Variants in RMND5B observed in about 807,000 individuals in gnomAD.
RMND5B encodes required for meiotic nuclear division 5 homolog B, also known as E3 ubiquitin-protein transferase RMND5B.
A neutral mutation model predicts 50.4 loss-of-function variants in RMND5B; 42 were observed. The ratio of observed to expected loss-of-function variants is 0.83; its 90% confidence interval spans 0.65 to 1.08. RMND5B has a LOEUF of 1.08. Ranked by LOEUF, RMND5B falls within the 50% of genes least tolerant of loss-of-function variation. The pLI is 0.00. For synonymous variants in RMND5B, 220 were observed against 210.0 expected, an observed-to-expected ratio of 1.05 and a Z score of -0.41; for missense variants, 463 against 508.5, an observed-to-expected ratio of 0.91 and a Z score of 0.86.
rs2113425385 is a variant in RMND5B, at chr5:178,143,660, C to G, written c.460C>G (p.Gln154Glu). 6.2e-7 allele frequency: 1 copy of G among 1,614,116 alleles called. No individual in the cohort carries two copies. The highest frequency in any genetic ancestry group is 2.2e-5 in the East Asian group (1 of 44,880). ...GCTGAATGTGGACTTGGATTTCAAG[C>G]AGCCTTTCCTAGAGTTGAATCGAAT... ...STLNVDLDFK[Q>E]PFLELNRILE... The change falls in exon 6 of 11, where the codon CAG becomes GAG. Residue 154 changes from glutamine to glutamate, a missense_variant. Gln to Glu is a conservative substitution (Grantham distance 29). Coordinates refer to ENST00000313386, the MANE Select transcript of RMND5B (RefSeq NM_022762.5).
intron 2 of RMND5B, among the ~76,000 whole-genome samples, chr5:178,132,957 TG>T (rs1443939025): frequency 6.6e-6 from 1 of 151,678 alleles, no homozygotes. Flanking sequence ...CTCTGCCTCC[TG>T]GGTTCAAGCA....
rs1432452090 is a variant in RMND5B at position 178,149,659 on chromosome 5, T to C, written c.*1627T>C. 6.2e-7 allele frequency: 1 copy of C among 1,610,094 alleles called. No homozygotes were observed. Among genetic ancestry groups the C allele is most frequent in the Non-Finnish European group, 8.5e-7 (1 of 1,178,884 alleles). ...TGGGCAGGAGGACAGCCAGTCGTCC[T>C]GCTGCCAGCCCAATAGCTTCCAGCG... On this transcript the variant is annotated 3_prime_UTR_variant, in exon 11 of 11. Coordinates refer to ENST00000313386, the MANE Select transcript of RMND5B (RefSeq NM_022762.5).
Position 178,147,983 on chromosome 5 carries a change from A to G in RMND5B, c.1133A>G (p.Tyr378Cys), listed in dbSNP as rs1756128208. ...LINGGKLKCP[Y>C]CPMEQNPADG... ...TCCCTTTGCAGGCTGAAGTGTCCCT[A>G]CTGTCCCATGGAGCAGAACCCGGCA... Residue 378 changes from tyrosine (Y) to cysteine (C), a missense_variant, in exon 11 of 11, where the codon TAC (tyrosine) becomes TGC (cysteine). Physicochemically the swap from Tyr to Cys is radical, Grantham distance 194. Coordinates refer to ENST00000313386, the MANE Select transcript of RMND5B (RefSeq NM_022762.5). 1 of 1,613,886 alleles carries G rather than the reference A, an allele frequency of 6.2e-7. No individual in the cohort carries two copies. The highest frequency in any genetic ancestry group is 1.3e-5 in the African/African-American group (1 of 74,924).
rs80350399 is a variant in RMND5B, at chr5:178,149,318, G to C, written c.*1286G>C. On this transcript the variant is annotated 3_prime_UTR_variant, in exon 11 of 11. Coordinates refer to ENST00000313386, the MANE Select transcript of RMND5B (RefSeq NM_022762.5). Reference sequence around the variant, plus strand: ...GTTCTCAGCTTGAGCCAAAGCACCCGGCCCTGGGCAGCTGAGCATCAGCAC... The same window carrying C: ...GTTCTCAGCTTGAGCCAAAGCACCCCGCCCTGGGCAGCTGAGCATCAGCAC... The C allele has an allele frequency of 2.1e-5, 4 of 191,254 alleles. No individual in the cohort carries two copies. Among genetic ancestry groups the C allele is most frequent in the Middle Eastern group, 2.3e-3 (1 of 440 alleles). 11.8% of individuals were successfully genotyped at this position (191,254 alleles called of 1,614,324 possible).
In RMND5B at chr5:178,138,177, A is replaced by G; in HGVS notation, c.58A>G (p.Thr20Ala). ...ELDKVLQKFL[T>A]YGQHCERSLE... ...GGACAAGGTCCTGCAGAAGTTCCTG[A>G]CCTACGGGCAGCACTGTGAGCGGAG... Residue 20 changes from threonine (T) to alanine (A), a missense_variant, in exon 3 of 11, where the codon ACC becomes GCC. By Grantham distance (58) the Thr-to-Ala change is moderately conservative (BLOSUM62 0). Coordinates refer to ENST00000313386, the MANE Select transcript of RMND5B (RefSeq NM_022762.5). The surrounding 1 kb of genome is among the most constrained non-coding windows in gnomAD (Gnocchi z 5.1). 6.2e-7 allele frequency: 1 copy of G among 1,613,608 alleles called. No individual in the cohort carries two copies. The highest frequency in any genetic ancestry group is 1.1e-5 in the South Asian group (1 of 90,992).
intron 2 of RMND5B, among the ~76,000 whole-genome samples, chr5:178,134,965 G>A (rs531708862): frequency 8.0e-6 from 1 of 125,070 alleles, no homozygotes; most frequent in Non-Finnish European, 1.7e-5. Flanking sequence ...GCAACAGAGC[G>A]AGACCGTCTA....
chr5:178,149,634 T>C lies in RMND5B; in HGVS notation c.*1602T>C, dbSNP rs1756208377. ...ACTGGGAAGATGCCGTCAGTGTGGG[T>C]GGGCAGGAGGACAGCCAGTCGTCCT... On this transcript the variant is annotated 3_prime_UTR_variant, in exon 11 of 11. Coordinates refer to ENST00000313386, the MANE Select transcript of RMND5B (RefSeq NM_022762.5). The C allele has an allele frequency of 1.3e-6, 2 of 1,589,772 alleles. No individual in the cohort carries two copies. Among genetic ancestry groups the C allele is most frequent in the South Asian group, 1.1e-5 (1 of 89,520 alleles).
At chr5:178,145,979 C>A in intron 7 of RMND5B, 135 bp from the exon 8 acceptor site, 1 of 839,778 alleles carries the variant, frequency 1.2e-6, no homozygotes, top group Non-Finnish European at 1.8e-6. Context: ...CATTTTCATC[C>A]CTGCTCAGTC....
At chr5:178,143,122 G>C in intron 5 of RMND5B, 130 bp downstream of exon 5, 1 of 1,107,374 alleles carries the variant, frequency 9.0e-7, no homozygotes, top group South Asian at 1.6e-5. Context: ...TCTGCCAGAA[G>C]CAGAAGGTAG....
chr5:178,143,642 G>A lies in RMND5B; in HGVS notation c.442G>A (p.Val148Met), dbSNP rs200266214. The A allele has an allele frequency of 6.2e-7, 1 of 1,613,802 alleles. No individual in the cohort carries two copies. Among genetic ancestry groups the A allele is most frequent in the Non-Finnish European group, 8.5e-7 (1 of 1,179,670 alleles). The change falls in exon 6 of 11, where the codon GTG becomes ATG. Residue 148 changes from valine (V) to methionine (M), a missense_variant. Coordinates refer to ENST00000313386, the MANE Select transcript of RMND5B (RefSeq NM_022762.5). ...EELCQESTLN[V>M]DLDFKQPFLE... The stretch of plus-strand genomic sequence containing the variant: ...CTCCTTGTAGGAATCAACGCTGAAT[G>A]TGGACTTGGATTTCAAGCAGCCTTT...
At chr5:178,131,928 G>T (rs10036388) in intron 2 of RMND5B, among the ~76,000 whole-genome samples, 64,428 of 151,962 alleles carry the variant, frequency 0.42, 14,928 homozygotes, top group Non-Finnish European at 0.53. Context: ...AGAGGAATGT[G>T]GAGTTTTTTC....
chr5:178,143,836 C>A, intron 6 of RMND5B, 106 bp from the exon 7 acceptor site: 1 of 1,480,622 alleles, frequency 6.8e-7, no homozygotes, highest in Non-Finnish European at 9.4e-7. Context: ...GCCTGCAGCC[C>A]TGTCTCAAGA....
chr5:178,138,015 A>G lies in RMND5B; in HGVS notation c.-12-93A>G. 1 of 1,082,854 alleles carries G rather than the reference A, an allele frequency of 9.2e-7. No homozygotes were observed. The allele number at this position is 1,082,854 out of a possible 1,614,324, so 67.1% of individuals were successfully genotyped here. On this transcript the variant is annotated intron_variant, in intron 2 of 10. Transcript: ENST00000313386. The surrounding 1 kb of genome is among the most constrained non-coding windows in gnomAD (Gnocchi z 5.1). ...ATATAACATTGATACATGATGTGGG[A>G]ATGGTGAGAGGGATCTGAAGAGGTG...
chr5:178,142,645 A>G lies in RMND5B; in HGVS notation c.202A>G (p.Ile68Val). ...SLVMSQCCRK[I>V]KDTVQKLASD... The stretch of plus-strand genomic sequence containing the variant: ...GGTGATGTCACAGTGCTGCCGGAAG[A>G]TCAAAGATACGGTGCAGAAACTGGC... The change falls in exon 4 of 11, where the codon ATC (isoleucine) becomes GTC (valine). Residue 68 changes from isoleucine (I) to valine (V), a missense_variant. Transcript: ENST00000313386. The G allele has an allele frequency of 1.9e-6, 3 of 1,614,244 alleles. No homozygotes were observed. Among genetic ancestry groups the G allele is most frequent in the Non-Finnish European group, 2.5e-6 (3 of 1,180,030 alleles).
intron 7 of RMND5B, among the ~76,000 whole-genome samples, chr5:178,144,389 C>A (rs149472117): frequency 3.3e-5 from 5 of 151,996 alleles, no homozygotes; most frequent in Non-Finnish European, 5.9e-5. Context: ...CATGCCATGC[C>A]CGTCCCACCT....
chr5:178,144,714 G>A (rs1237235394), intron 7 of RMND5B, among the ~76,000 whole-genome samples: 4 of 85,154 alleles, frequency 4.7e-5, no homozygotes, highest in South Asian at 3.6e-4. Context: ...GTGAGACTCC[G>A]TCTCAGAAAA....
Position 178,149,901 on chromosome 5 carries a change from C to T in RMND5B, c.*1869C>T. On this transcript the variant is annotated 3_prime_UTR_variant, in exon 11 of 11. Coordinates refer to ENST00000313386, the MANE Select transcript of RMND5B (RefSeq NM_022762.5). Reference sequence around the variant, plus strand: ...GTACAACCTGTATGCCAGGAAGTCACCAACTGATGACCCACCAGCCTAATC... The same window carrying T: ...GTACAACCTGTATGCCAGGAAGTCATCAACTGATGACCCACCAGCCTAATC... 1 of 1,582,148 alleles carries T rather than the reference C, an allele frequency of 6.3e-7. No individual in the cohort carries two copies. The highest frequency in any genetic ancestry group is 8.6e-7 in the Non-Finnish European group (1 of 1,157,378).
intron 2 of RMND5B, among the ~76,000 whole-genome samples, chr5:178,135,814 G>A (rs7379278): frequency 0.72 from 108,886 of 152,080 alleles, 39,276 homozygotes; most frequent in Admixed American, 0.78. Context: ...TTTGACCTTC[G>A]TGAGGTCCTG....
chr5:178,140,072 C>T lies in RMND5B; in HGVS notation c.139+1814C>T, dbSNP rs184395909. 2.6e-5 allele frequency among the ~76,000 whole-genome samples: 4 copies of T among 152,270 alleles called. No individual in the cohort carries two copies. The East Asian group carries it at 7.7e-4, about 29-fold the overall frequency. ...AATTTGGAGTTGTCTGATGTTTTCT[C>T]ATTACTTAGGTTTTGCATTTTTGGC... On this transcript the variant is annotated intron_variant, in intron 3 of 10. Transcript: ENST00000313386.
Sources: gnomAD v4.1 joint callset for allele counts (sites outside exome capture counted in the v4.1 genomes callset) on GRCh38, gnomAD v4.1.1 for gene constraint, Gnocchi (gnomAD v3.1) non-coding constraint, MANE v1.5 for transcripts, NCBI Gene and HGNC (gene_info 2026-07-23, HGNC 2026-07-21) for gene names.